The following PTPRM variants were observed in gnomAD, a reference collection of about 807,000 sequenced individuals.
The protein encoded by PTPRM is receptor-type tyrosine-protein phosphatase mu.
PTPRM carries 47 observed loss-of-function variants against 186.7 expected under a neutral mutation model. The ratio of observed to expected loss-of-function variants is 0.25; its 90% CI spans 0.20 to 0.32. The LOEUF (loss-of-function observed/expected upper bound fraction) is 0.32, where lower values mean the gene tolerates loss of function less well. Among genes scored for constraint, PTPRM ranks in the 10% least tolerant of loss-of-function variants. PTPRM has a pLI of 1.00. For missense variants in PTPRM, 1,494 were observed against 1,865.0 expected (o/e 0.80, Z 3.66); for synonymous variants, 668 against 674.9 (o/e 0.99, Z 0.16).
intron 2 of PTPRM, among the ~76,000 whole-genome samples, chr18:7,818,919 T>G (rs967719479): frequency 3.9e-5 from 6 of 152,138 alleles, no homozygotes; most frequent in African/African-American, 1.4e-4. Flanking sequence ...GTGGAGAGGA[T>G]TATAGACAGA....
At chr18:8,188,735 G>T (rs959937658) in intron 14 of PTPRM, among the ~76,000 whole-genome samples, 1 of 152,210 alleles carries the variant, frequency 6.6e-6, no homozygotes. Flanking sequence ...ATGAGGGGCT[G>T]TGCTTCAGAA....
chr18:7,981,788 T>TA, intron 7 of PTPRM, among the ~76,000 whole-genome samples: 1 of 152,356 alleles, frequency 6.6e-6, no homozygotes, highest in East Asian at 1.9e-4. Context: ...CCAAGGCTCC[T>TA]AGGCTGCAAA....
At position 7,799,955 on chromosome 18, in the gene PTPRM, A is replaced by T. The variant is rs1339425717; in HGVS notation, c.196+25684A>T. On this transcript the variant is annotated intron_variant, in intron 2 of 32. Transcript: ENST00000580170. ...TCCCTTTATGCTGTCCTTACCTTTA[A>T]CTGGGGTACAAGGCATGGCAGTATC... is the stretch of plus-strand genomic sequence containing the variant. Among the ~76,000 whole-genome samples the T allele has an allele frequency of 2.0e-5, 3 of 152,164 alleles. No homozygotes were observed. In the East Asian group the frequency reaches 5.8e-4, roughly 29 times the overall value.
At chr18:7,904,410 T>G (rs1411552704) in intron 3 of PTPRM, among the ~76,000 whole-genome samples, 1 of 152,122 alleles carries the variant, frequency 6.6e-6, no homozygotes, top group Non-Finnish European at 1.5e-5. Context: ...CAAACCCATC[T>G]CCCTCCTGTC....
chr18:8,361,833 A>G (rs998037168), intron 23 of PTPRM, among the ~76,000 whole-genome samples: 10 of 152,314 alleles, frequency 6.6e-5, no homozygotes, highest in African/African-American at 2.4e-4. Flanking sequence ...GTTACAGCAC[A>G]CTGTGTCATC....
At chr18:7,916,789 G>A (rs1238561142) in intron 4 of PTPRM, among the ~76,000 whole-genome samples, 1 of 151,932 alleles carries the variant, frequency 6.6e-6, no homozygotes, top group African/African-American at 2.4e-5. Flanking sequence ...TTTGTGCTGG[G>A]AACATTCCAT....
chr18:7,724,185 G>C (rs920552729), intron 1 of PTPRM, among the ~76,000 whole-genome samples: 1 of 152,052 alleles, frequency 6.6e-6, no homozygotes, highest in Non-Finnish European at 1.5e-5. Flanking sequence ...TTGTTGAATG[G>C]AAAGTAGTAA....
At chr18:7,959,114 T>C (rs2053505443) in intron 7 of PTPRM, among the ~76,000 whole-genome samples, 1 of 152,230 alleles carries the variant, frequency 6.6e-6, no homozygotes, top group African/African-American at 2.4e-5. Flanking sequence ...TGTTTTGTTG[T>C]GAGCCTTAAT....
At position 7,780,264 on chromosome 18, in the gene PTPRM, G is replaced by A. The variant is rs550753616; in HGVS notation, c.196+5993G>A. 3.9e-5 allele frequency among the ~76,000 whole-genome samples: 6 copies of A among 152,216 alleles called. No homozygotes were observed. In the South Asian group the frequency reaches 1.0e-3, roughly 26 times the overall value. ...CGTGATGGGCCTGGTAGATTGGGTG[G>A]CATTATCCTCATTTTACAACATAGG... On this transcript the variant is annotated intron_variant, in intron 2 of 32. Coordinates refer to ENST00000580170, the MANE Select transcript of PTPRM (RefSeq NM_001105244.2).
chr18:8,230,464 T>A (rs1327004195), intron 14 of PTPRM, among the ~76,000 whole-genome samples: 1 of 152,226 alleles, frequency 6.6e-6, no homozygotes, highest in Non-Finnish European at 1.5e-5. Flanking sequence ...AGATTCCAGA[T>A]TCCCAGGATC....
chr18:7,688,077 A>C (rs1270569676), intron 1 of PTPRM, among the ~76,000 whole-genome samples: 4 of 152,126 alleles, frequency 2.6e-5, no homozygotes, highest in African/African-American at 4.8e-5. Flanking sequence ...GCCTGGTCAA[A>C]ATTTTTTTAA....
chr18:7,594,429 G>A (rs2037202798), intron 1 of PTPRM, among the ~76,000 whole-genome samples: 1 of 151,856 alleles, frequency 6.6e-6, no homozygotes, highest in Non-Finnish European at 1.5e-5. Context: ...GCATTGAGCC[G>A]AGATTGTGCC....
At chr18:8,208,159 G>T in intron 14 of PTPRM, among the ~76,000 whole-genome samples, 1 of 152,218 alleles carries the variant, frequency 6.6e-6, no homozygotes, top group South Asian at 2.1e-4. Context: ...TTGGCCTGAT[G>T]CGTGCTCTCC....
intron 2 of PTPRM, among the ~76,000 whole-genome samples, chr18:7,857,086 C>T (rs2047132702): frequency 6.6e-6 from 1 of 152,136 alleles, no homozygotes; most frequent in African/African-American, 2.4e-5. Flanking sequence ...GGAAACACTT[C>T]TTGAATCCTG....
chr18:7,733,702 G>T (rs1023477685), intron 1 of PTPRM, among the ~76,000 whole-genome samples: 28 of 152,272 alleles, frequency 1.8e-4, no homozygotes, highest in African/African-American at 5.3e-4. Flanking sequence ...AGCAAACAGA[G>T]GGTCCCTGTA....
chr18:8,348,079 C>T (rs2095514933), intron 23 of PTPRM, among the ~76,000 whole-genome samples: 1 of 152,180 alleles, frequency 6.6e-6, no homozygotes, highest in African/African-American at 2.4e-5. Flanking sequence ...AGCTTAAAAA[C>T]AACAACAACA....
intron 1 of PTPRM, among the ~76,000 whole-genome samples, chr18:7,672,807 C>T (rs2039248383): frequency 6.6e-6 from 1 of 152,196 alleles, no homozygotes; most frequent in South Asian, 2.1e-4. Flanking sequence ...GTTGGGCAGG[C>T]TGTGACTTAA....
chr18:7,693,432 A>G (rs1246162837), intron 1 of PTPRM, among the ~76,000 whole-genome samples: 1 of 152,208 alleles, frequency 6.6e-6, no homozygotes, highest in Non-Finnish European at 1.5e-5. Context: ...CTACCGTTTA[A>G]TAATACCCTC....
intron 1 of PTPRM, among the ~76,000 whole-genome samples, chr18:7,649,105 C>T (rs2038634400): frequency 6.6e-6 from 1 of 152,202 alleles, no homozygotes; most frequent in Non-Finnish European, 1.5e-5. Context: ...GCTAAGTCTA[C>T]TCTGCCTGTG....
Sources: allele counts gnomAD v4.1 joint callset (sites outside exome capture counted in the v4.1 genomes callset), GRCh38; gene constraint gnomAD v4.1.1; transcripts MANE v1.5; gene names NCBI Gene and HGNC (gene_info 2026-07-23, HGNC 2026-07-21).